DNMT3A: variants seen among roughly 807,000 people sequenced by gnomAD.
The protein encoded by DNMT3A is DNA (cytosine-5)-methyltransferase 3A.
DNMT3A carries 267 observed loss-of-function variants against 117.6 expected under a neutral mutation model. That is an observed-to-expected ratio of 2.27 (90% CI 2.05 to 2.51). The LOEUF (loss-of-function observed/expected upper bound fraction) is 2.51. Ranked by LOEUF, DNMT3A falls within the 30% of genes most tolerant of loss-of-function variation. The pLI is 0.00. For synonymous variants in DNMT3A, 432 were observed against 474.8 expected, an observed-to-expected ratio of 0.91 and a Z score of 1.17; for missense variants, 1,029 against 1,260.2, an observed-to-expected ratio of 0.82 and a Z score of 2.78.
At chr2:25,319,294 A>C (rs192993193) in intron 1 of DNMT3A, among the ~76,000 whole-genome samples, 4 of 150,636 alleles carry the variant, frequency 2.7e-5, no homozygotes, top group African/African-American at 9.8e-5. Context: ...GATTACAGGC[A>C]TGAGCCACCA....
At position 25,232,084 on chromosome 2, in the gene DNMT3A, C is replaced by T. The variant is rs547449937; in HGVS notation, c.*2195G>A. ...GCTCAGCACACTAAGCCTGCTTCCC[C>T]CACTCCCCACCCCATAATATTTCTT... is the stretch of plus-strand genomic sequence containing the variant. On this transcript the variant is annotated 3_prime_UTR_variant, in exon 23 of 23. Coordinates refer to ENST00000321117, the MANE Select transcript of DNMT3A (RefSeq NM_022552.5). This position sits in a 1 kb window ranked among gnomAD's most constrained non-coding sequence, Gnocchi z 4.1. 6.6e-5 allele frequency: 10 copies of T among 152,224 alleles called. No homozygotes were observed. Among genetic ancestry groups the T allele is most frequent in the Admixed American group, 6.5e-4 (10 of 15,290 alleles). The allele number at this position is 152,224 out of a possible 1,614,324, so 9.4% of individuals were successfully genotyped here. A position where few individuals can be genotyped will look rare whatever the true frequency, so the allele number is the denominator to read the frequency against.
At chr2:25,279,092 C>A (rs1396936658) in intron 4 of DNMT3A, among the ~76,000 whole-genome samples, 1 of 152,174 alleles carries the variant, frequency 6.6e-6, no homozygotes, top group Non-Finnish European at 1.5e-5. Context: ...GCCACATCGC[C>A]ACTGCCACCT....
In DNMT3A at chr2:25,260,080, C is replaced by G. The variant is rs575774430; in HGVS notation, c.640-11828G>C. Among the ~76,000 whole-genome samples, 28 of 152,326 alleles carry G rather than the reference C, an allele frequency of 1.8e-4. No homozygotes were observed. The South Asian group carries it at 3.9e-3, about 21-fold the overall frequency. On this transcript the variant is annotated intron_variant, in intron 6 of 22. Transcript: ENST00000321117. ...ATTACCCGGAGAGCTTGGGAAACCA[C>G]CCTTGCTGGGTACATCACTAAATTC... is the stretch of plus-strand genomic sequence containing the variant.
intron 6 of DNMT3A, among the ~76,000 whole-genome samples, chr2:25,259,220 A>G (rs1327614193): frequency 6.6e-6 from 1 of 152,174 alleles, no homozygotes; most frequent in Non-Finnish European, 1.5e-5. Flanking sequence ...CTTCCTGCTC[A>G]CTTCCACCCG....
intron 1 of DNMT3A, 55 bp downstream of exon 1, chr2:25,341,771 G>T: frequency 1.0e-6 from 1 of 972,306 alleles, no homozygotes; most frequent in Non-Finnish European, 1.2e-6. Context: ...CGGCTCCCCG[G>T]CTCCCCGCCG....
At position 25,239,131 on chromosome 2, in the gene DNMT3A, T is replaced by G; in HGVS notation, c.2407A>C (p.Arg803=). ...CCAGGCCCAGGAGCTTTCACCAACC[T>G]GTTCATACCGGGAAGGTTACCCCAG... ...YFWGNLPGMN[R]PLASTVNDKL... The change falls in exon 20 of 23, where the codon AGG becomes CGG. Residue 803 remains arginine, a splice_region_variant and synonymous_variant. Transcript: ENST00000321117. 6.2e-7 allele frequency: 1 copy of G among 1,613,840 alleles called. No homozygotes were observed. Among genetic ancestry groups the G allele is most frequent in the Non-Finnish European group, 8.5e-7 (1 of 1,179,826 alleles).
chr2:25,314,390 C>G, intron 1 of DNMT3A: 1 of 985,364 alleles, frequency 1.0e-6, no homozygotes. Context: ...CTCCGTGTCG[C>G]TGCGGCCAAT....
Position 25,337,271 on chromosome 2 carries a change from T to C in DNMT3A, c.-178+4555A>G, listed in dbSNP as rs543727471. On this transcript the variant is annotated intron_variant, in intron 1 of 22. Coordinates refer to ENST00000321117, the MANE Select transcript of DNMT3A (RefSeq NM_022552.5). This position sits in a 1 kb window ranked among gnomAD's most constrained non-coding sequence, Gnocchi z 5.0. ...TTAATCAGAATCGGCACTTTCCTCA[T>C]CTGACCAAGATTCTGCAAAAGACAC... is the stretch of plus-strand genomic sequence containing the variant. Among the ~76,000 whole-genome samples the C allele has an allele frequency of 7.2e-5, 11 of 152,260 alleles. No homozygotes were observed. The highest frequency in any genetic ancestry group is 2.6e-4 in the African/African-American group (11 of 41,550).
chr2:25,286,021 T>C lies in DNMT3A; in HGVS notation c.178-3310A>G, dbSNP rs370927084. Among the ~76,000 whole-genome samples, 8 of 152,340 alleles carry C rather than the reference T, an allele frequency of 5.3e-5. No individual in the cohort carries two copies. In the South Asian group the frequency reaches 1.7e-3, roughly 32 times the overall value. On this transcript the variant is annotated intron_variant, in intron 3 of 22. Transcript: ENST00000321117. The surrounding 1 kb of genome is among the most constrained non-coding windows in gnomAD (Gnocchi z 4.3). The stretch of plus-strand genomic sequence containing the variant: ...AGAGCCAGACTTTTTCATGGCTGCG[T>C]CTTCCTTTCTTCTCATCATTTGCTG...
chr2:25,271,916 G>A (rs1301423499), intron 6 of DNMT3A, among the ~76,000 whole-genome samples: 1 of 152,206 alleles, frequency 6.6e-6, no homozygotes, highest in Non-Finnish European at 1.5e-5. Context: ...GGAGCCAGGT[G>A]ATGGCAATGG....
At chr2:25,318,542 T>G (rs2034469198) in intron 1 of DNMT3A, among the ~76,000 whole-genome samples, 1 of 152,106 alleles carries the variant, frequency 6.6e-6, no homozygotes, top group South Asian at 2.1e-4. Context: ...CACCTTGGCC[T>G]CCCAAAGTGC....
chr2:25,274,074 G>A (rs930244732), intron 6 of DNMT3A, among the ~76,000 whole-genome samples: 17 of 152,150 alleles, frequency 1.1e-4, no homozygotes, highest in African/African-American at 3.9e-4. Context: ...CCAGACTCCA[G>A]GCACCTGGCA....
chr2:25,229,661 C>A lies in DNMT3A; in HGVS notation c.*4618G>T. 6.6e-6 allele frequency: 1 copy of A among 152,394 alleles called. No homozygotes were observed. The highest frequency in any genetic ancestry group is 1.5e-5 in the Non-Finnish European group (1 of 68,078). 9.4% of individuals were successfully genotyped at this position (152,394 alleles called of 1,614,324 possible). ...GTGCCAGGCAGCACCCCCTCCCTGC[C>A]CTGGCCCTAACCCACAGCTTGAGGG... is the stretch of plus-strand genomic sequence containing the variant. On this transcript the variant is annotated 3_prime_UTR_variant, in exon 23 of 23. Transcript: ENST00000321117.
intron 1 of DNMT3A, among the ~76,000 whole-genome samples, chr2:25,338,116 T>A (rs1348516634): frequency 6.6e-6 from 1 of 151,904 alleles, no homozygotes; most frequent in Non-Finnish European, 1.5e-5. Context: ...GGCCAGCAAG[T>A]TGGAGGCAGC....
rs200586937 is a variant in DNMT3A at position 25,303,827 on chromosome 2, C to T, written c.73-3584G>A. 1.6e-3 allele frequency among the ~76,000 whole-genome samples: 240 copies of T among 152,342 alleles called. 1 individual carries two copies. The highest frequency in any genetic ancestry group is 0.01 in the Middle Eastern group (3 of 294). On this transcript the variant is annotated intron_variant, in intron 2 of 22. Coordinates refer to ENST00000321117, the MANE Select transcript of DNMT3A (RefSeq NM_022552.5). The stretch of plus-strand genomic sequence containing the variant: ...CCTCTGCGGAGGGAGGGGGCTAACA[C>T]GCCAAGAAGGGTGAGCAGATGGCTT...
intron 2 of DNMT3A, among the ~76,000 whole-genome samples, chr2:25,310,369 C>T (rs983647844): frequency 2.6e-5 from 4 of 151,058 alleles, no homozygotes; most frequent in Admixed American, 6.6e-5. Context: ...CCCTCTGCTG[C>T]GGCAACATTT....
intron 2 of DNMT3A, among the ~76,000 whole-genome samples, chr2:25,308,546 C>T (rs566389898): frequency 2.7e-4 from 41 of 152,274 alleles, no homozygotes; most frequent in Non-Finnish European, 4.9e-4. Context: ...CTGCTAAGCA[C>T]GCCCAACCCT....
chr2:25,246,260 A>G lies in DNMT3A; in HGVS notation c.1329T>C (p.Pro443=), dbSNP rs1674752908. Residue 443 remains proline (P), a synonymous_variant, in exon 11 of 23, where the codon CCT becomes CCC. Coordinates refer to ENST00000321117, the MANE Select transcript of DNMT3A (RefSeq NM_022552.5). ...KEVYTDMWVE[P]EAAAYAPPPP... ...GAGGTGGTGCGTAGGCAGCTGCCTC[A>G]GGTTCCACCCACATGTCCGTGTACA... The G allele has an allele frequency of 6.2e-7, 1 of 1,614,056 alleles. No individual in the cohort carries two copies.
At chr2:25,246,829 T>C (rs994927258) in intron 9 of DNMT3A, 53 bp from the exon 10 acceptor site, 6 of 1,597,704 alleles carry the variant, frequency 3.8e-6, no homozygotes, top group Admixed American at 1.7e-5. Flanking sequence ...GGAAGGCAGA[T>C]GGGTCAGGCT....
Sources: allele counts gnomAD v4.1 joint callset (sites outside exome capture counted in the v4.1 genomes callset), GRCh38; gene constraint gnomAD v4.1.1; non-coding constraint Gnocchi (gnomAD v3.1); transcripts MANE v1.5; gene names NCBI Gene and HGNC (gene_info 2026-07-23, HGNC 2026-07-21).